Variants in LRRC7 observed in about 807,000 individuals in gnomAD.
LRRC7 encodes the protein leucine-rich repeat-containing protein 7.
In LRRC7, 23 loss-of-function variants were observed where a neutral mutation model predicts 175.7. The observed-to-expected ratio is 0.13, with a 90% confidence interval of 0.09 to 0.19. The LOEUF (loss-of-function observed/expected upper bound fraction) is 0.19. LRRC7 is among the 10% of genes least tolerant of loss of function. The pLI, the probability that LRRC7 is intolerant of heterozygous loss-of-function variation, is 1.00. For missense variants in LRRC7, 1,354 were observed against 1,904.7 expected (o/e 0.71, Z 5.38); for synonymous variants, 685 against 680.9 (o/e 1.01, Z -0.09).
intron 11 of LRRC7, among the ~76,000 whole-genome samples, chr1:70,007,058 T>G (rs1364206795): frequency 6.6e-6 from 1 of 152,154 alleles, no homozygotes; most frequent in Admixed American, 6.5e-5. Flanking sequence ...ATTGGCCTGA[T>G]GGATCACATC....
chr1:69,821,632 G>T (rs574155911), intron 4 of LRRC7, among the ~76,000 whole-genome samples: 1 of 151,966 alleles, frequency 6.6e-6, no homozygotes. Context: ...GGTGGCTCTC[G>T]CCTGTAATCC....
chr1:70,054,742 G>A (rs1384400412), intron 23 of LRRC7, among the ~76,000 whole-genome samples: 1 of 151,950 alleles, frequency 6.6e-6, no homozygotes, highest in Non-Finnish European at 1.5e-5. Flanking sequence ...TGGGACTACA[G>A]GGGCCTGCCA....
At chr1:69,666,340 GTC>G (rs1420799197) in intron 1 of LRRC7, among the ~76,000 whole-genome samples, 1 of 152,042 alleles carries the variant, frequency 6.6e-6, no homozygotes, top group Non-Finnish European at 1.5e-5. Context: ...TTGTGAATGA[GTC>G]TGAAAGTATT....
Position 69,880,785 on chromosome 1 carries a change from C to T in LRRC7, c.647+42502C>T, listed in dbSNP as rs1327764489. On this transcript the variant is annotated intron_variant, in intron 7 of 26. Coordinates refer to ENST00000651989, the MANE Select transcript of LRRC7 (RefSeq NM_001370785.2). Reference sequence around the variant, plus strand: ...ATAAGGAAAAAAAGAAGAAGTTTTACAAAAACTGCTTCTAGGTTGTTCCTT... The same window carrying T: ...ATAAGGAAAAAAAGAAGAAGTTTTATAAAAACTGCTTCTAGGTTGTTCCTT... Among the ~76,000 whole-genome samples the T allele has an allele frequency of 3.9e-5, 6 of 152,088 alleles. No individual in the cohort carries two copies. The South Asian group carries it at 1.0e-3, about 26-fold the overall frequency.
At chr1:69,971,231 C>T (rs777233411) in intron 8 of LRRC7, among the ~76,000 whole-genome samples, 21 of 152,074 alleles carry the variant, frequency 1.4e-4, no homozygotes, top group Non-Finnish European at 2.9e-4. Flanking sequence ...CAAGGATGCC[C>T]ACTCTCACCA....
Position 69,931,582 on chromosome 1 carries a change from CA to C in LRRC7, c.711+13del, listed in dbSNP as rs1185875230. 1.9e-6 allele frequency: 3 copies of C among 1,607,358 alleles called. No individual in the cohort carries two copies. The highest frequency in any genetic ancestry group is 2.6e-6 in the Non-Finnish European group (3 of 1,174,112). On this transcript the variant is annotated intron_variant, in intron 8 of 26. Coordinates refer to ENST00000651989, the MANE Select transcript of LRRC7 (RefSeq NM_001370785.2). ...AATTCGGTGAGCTGGTAAGCAAATGCATTTTCTAAACCTGATAAATACCCTT... is the reference window on the plus strand; with the variant it reads ...AATTCGGTGAGCTGGTAAGCAAATGCTTTTCTAAACCTGATAAATACCCTT...
At chr1:70,047,379 T>G (rs1660408209) in intron 22 of LRRC7, among the ~76,000 whole-genome samples, 1 of 152,148 alleles carries the variant, frequency 6.6e-6, no homozygotes. Context: ...TATCCATTTG[T>G]GCAGGTGCTG....
Position 70,129,496 on chromosome 1 carries a change from C to T in LRRC7, c.*7609C>T, listed in dbSNP as rs1471023617. On this transcript the variant is annotated 3_prime_UTR_variant, in exon 27 of 27. Coordinates refer to ENST00000651989, the MANE Select transcript of LRRC7 (RefSeq NM_001370785.2). ...CTGAGTCTGTATGCCCCTGACGTTA[C>T]GGGAGAAGGAGATGGAATTCAACAC... 1.3e-5 allele frequency among the ~76,000 whole-genome samples: 2 copies of T among 152,146 alleles called. No homozygotes were observed. The highest frequency in any genetic ancestry group is 6.5e-5 in the Admixed American group (1 of 15,288).
In LRRC7 at chr1:69,879,227, A is replaced by AAC. The variant is rs1211606984; in HGVS notation, c.647+40945_647+40946insCA. On this transcript the variant is annotated intron_variant, in intron 7 of 26. Coordinates refer to ENST00000651989, the MANE Select transcript of LRRC7 (RefSeq NM_001370785.2). ...AAAACTGCTTTAAAAAAAAAAAAAA[A>AAC]AAAAAAAAAGACTGCGCACTGGCCA... Among the ~76,000 whole-genome samples the AAC allele has an allele frequency of 7.4e-5, 11 of 148,336 alleles. No homozygotes were observed. In the South Asian group the frequency reaches 1.1e-3, roughly 14 times the overall value.
intron 7 of LRRC7, among the ~76,000 whole-genome samples, chr1:69,896,800 G>T (rs1225281871): frequency 6.6e-6 from 1 of 152,014 alleles, no homozygotes; most frequent in Non-Finnish European, 1.5e-5. Flanking sequence ...TTTTTATTCT[G>T]TGGCATGGTA....
intron 2 of LRRC7, among the ~76,000 whole-genome samples, chr1:69,739,579 AT>A (rs891601554): frequency 2.6e-5 from 4 of 152,064 alleles, no homozygotes; most frequent in African/African-American, 9.7e-5. Flanking sequence ...TGCAAAGTTA[AT>A]TGATTTGACT....
chr1:69,992,565 C>T (rs1214291490), intron 10 of LRRC7, among the ~76,000 whole-genome samples: 1 of 152,122 alleles, frequency 6.6e-6, no homozygotes, highest in Admixed American at 6.5e-5. Context: ...ATCCCAGGGG[C>T]AATCATAATT....
At chr1:69,793,303 C>A (rs928859539) in intron 4 of LRRC7, among the ~76,000 whole-genome samples, 1 of 152,094 alleles carries the variant, frequency 6.6e-6, no homozygotes, top group Non-Finnish European at 1.5e-5. Context: ...GAAGTGATAA[C>A]CAGATAGGAC....
At chr1:70,110,730 A>G (rs942721836) in intron 26 of LRRC7, among the ~76,000 whole-genome samples, 12 of 152,234 alleles carry the variant, frequency 7.9e-5, no homozygotes, top group African/African-American at 2.9e-4. Context: ...GAAAAAGTAC[A>G]TGGACTTTAA....
intron 2 of LRRC7, among the ~76,000 whole-genome samples, chr1:69,756,110 G>C (rs1382950377): frequency 6.6e-6 from 1 of 151,828 alleles, no homozygotes; most frequent in Admixed American, 6.6e-5. Flanking sequence ...TATGAAAAAA[G>C]ATGATTCAGG....
rs540921723 is a variant in LRRC7 at position 70,026,331 on chromosome 1, C to T, written c.1795-1840C>T. 6.6e-5 allele frequency among the ~76,000 whole-genome samples: 10 copies of T among 152,182 alleles called. No individual in the cohort carries two copies. In the East Asian group the frequency reaches 1.7e-3, roughly 26 times the overall value. On this transcript the variant is annotated intron_variant, in intron 17 of 26. Transcript: ENST00000651989. ...TTGGCATGATAGTCATAGCATTCTA[C>T]AACTTACATTTTTAATGTAATTTTT...
rs115986049 is a variant in LRRC7, at chr1:69,921,267, A to G, written c.648-10240A>G. ...GAGAGTTCGTTTTCAGGTAGAGTAG[A>G]TAAGATTTTATTCCTCGAGTCTTTA... On this transcript the variant is annotated intron_variant, in intron 7 of 26. Coordinates refer to ENST00000651989, the MANE Select transcript of LRRC7 (RefSeq NM_001370785.2). 2.0e-3 allele frequency among the ~76,000 whole-genome samples: 305 copies of G among 152,264 alleles called. 1 individual carries two copies. Among genetic ancestry groups the G allele is most frequent in the African/African-American group, 7.1e-3 (293 of 41,546 alleles).
chr1:69,866,791 A>G lies in LRRC7; in HGVS notation c.647+28508A>G, dbSNP rs550914162. ...AATGATTACTCACTGCCAAGGCTCCATTAAATTTCCAGTTAGAAATGATGA... is the reference window on the plus strand; with the variant it reads ...AATGATTACTCACTGCCAAGGCTCCGTTAAATTTCCAGTTAGAAATGATGA... On this transcript the variant is annotated intron_variant, in intron 7 of 26. Coordinates refer to ENST00000651989, the MANE Select transcript of LRRC7 (RefSeq NM_001370785.2). Among the ~76,000 whole-genome samples, 6 of 152,318 alleles carry G rather than the reference A, an allele frequency of 3.9e-5. No homozygotes were observed. In the East Asian group the frequency reaches 9.6e-4, roughly 24 times the overall value.
In LRRC7 at chr1:70,090,355, T is replaced by A. The variant is rs565643619; in HGVS notation, c.4545+536T>A. Among the ~76,000 whole-genome samples the A allele has an allele frequency of 2.6e-5, 4 of 152,178 alleles. No homozygotes were observed. In the East Asian group the frequency reaches 7.7e-4, roughly 29 times the overall value. On this transcript the variant is annotated intron_variant, in intron 25 of 26. Coordinates refer to ENST00000651989, the MANE Select transcript of LRRC7 (RefSeq NM_001370785.2). ...TTTTTATGAGAAAATCAGTTAGCAT[T>A]AGCAGAAGAATTAGGTCCTCCTCTC... is the stretch of plus-strand genomic sequence containing the variant.
Sources: allele counts gnomAD v4.1 joint callset (sites outside exome capture counted in the v4.1 genomes callset), GRCh38; gene constraint gnomAD v4.1.1; transcripts MANE v1.5; gene names NCBI Gene and HGNC (gene_info 2026-07-23, HGNC 2026-07-21).